The following OSCAR variants were observed in gnomAD, a reference collection of about 807,000 sequenced individuals.
OSCAR encodes osteoclast-associated immunoglobulin-like receptor.
OSCAR carries 25 observed loss-of-function variants against 27.3 expected under a neutral mutation model. That is an observed-to-expected ratio of 0.92 (90% confidence interval 0.67 to 1.28). The LOEUF (loss-of-function observed/expected upper bound fraction) is 1.28. Ranked by LOEUF, OSCAR falls within the 50% of genes most tolerant of loss-of-function variation. The pLI, the probability that OSCAR is intolerant of heterozygous loss-of-function variation, is 0.00. For synonymous variants in OSCAR, 158 were observed against 165.7 expected (o/e 0.95, Z 0.36); for missense variants, 354 against 355.1 (o/e 1.00, Z 0.03).
intron 2 of OSCAR, among the ~76,000 whole-genome samples, chr19:54,097,840 A>G (rs949291996): frequency 2.0e-5 from 3 of 151,664 alleles, no homozygotes; most frequent in South Asian, 2.1e-4. Flanking sequence ...GGCTCAAGCA[A>G]TCCTCCCACC....
intron 1 of OSCAR, 33 bp from the exon 2 acceptor site, chr19:54,099,813 CTTTT>C (rs68058053): frequency 1.3e-5 from 18 of 1,426,676 alleles, no homozygotes; most frequent in South Asian, 2.5e-5. Context: ...TTTCTTTTTC[CTTTT>C]TTTTTTTTTG....
intron 1 of OSCAR, 142 bp from the exon 2 acceptor site, chr19:54,099,922 C>T: frequency 1.0e-6 from 1 of 956,534 alleles, no homozygotes; most frequent in Non-Finnish European, 1.5e-6. Context: ...AAGTGATTCT[C>T]CTGCCTCAGC....
Position 54,099,795 on chromosome 19 carries a change from G to A in OSCAR, c.38-15C>T. 6.2e-7 allele frequency: 1 copy of A among 1,600,358 alleles called. No individual in the cohort carries two copies. The highest frequency in any genetic ancestry group is 8.5e-7 in the Non-Finnish European group (1 of 1,175,984). On this transcript the variant is annotated splice_polypyrimidine_tract_variant and intron_variant, in intron 1 of 4. Coordinates refer to ENST00000358375, the MANE Select transcript of OSCAR (RefSeq NM_133169.6). ...ACACAGAGGCCCTGTAGGAGGTTGA[G>A]GGACTAGTTTCTTTTTCCTTTTTTT...
At position 54,095,853 on chromosome 19, in the gene OSCAR, C is replaced by CG; in HGVS notation, c.655+18dup. Reference sequence around the variant, plus strand: ...CATTCCTGGGGCGGAGGAGGCGGGCCGGGCCTCAGGGCCCTCACCTTCCCA... The same window carrying CG: ...CATTCCTGGGGCGGAGGAGGCGGGCCGGGGCCTCAGGGCCCTCACCTTCCCA... On this transcript the variant is annotated intron_variant, in intron 4 of 4. Transcript: ENST00000358375. 1 of 1,552,204 alleles carries CG rather than the reference C, an allele frequency of 6.4e-7. No homozygotes were observed. Among genetic ancestry groups the CG allele is most frequent in the South Asian group, 1.2e-5 (1 of 84,128 alleles).
At chr19:54,099,244 T>TTTTGTTTTTG (rs1555783354) in intron 2 of OSCAR, among the ~76,000 whole-genome samples, 16 of 133,196 alleles carry the variant, frequency 1.2e-4, no homozygotes, top group Admixed American at 5.0e-4. Flanking sequence ...TTTTTTTTTT[T>TTTTGTTTTTG]TTTTTTTTTA....
rs2072947750 is a variant in OSCAR, at chr19:54,099,764, T to TG, written c.53dup (p.Asp19ArgfsTer14). 1 of 1,613,292 alleles carries TG rather than the reference T, an allele frequency of 6.2e-7. No homozygotes were observed. The highest frequency in any genetic ancestry group is 1.3e-5 in the African/African-American group (1 of 74,826). On this transcript the variant is annotated frameshift_variant, in exon 2 of 5. Transcript: ENST00000358375. LOFTEE classifies it high-confidence loss of function. Reference sequence around the variant, plus strand: ...GCTACTCACCAGACGGAGTGATGTCTGTGTGACACAGAGGCCCTGTAGGAG... The same window carrying TG: ...GCTACTCACCAGACGGAGTGATGTCTGGTGTGACACAGAGGCCCTGTAGGAG...
chr19:54,100,694 T>C (rs1426553719), intron 1 of OSCAR, 62 bp downstream of exon 1: 13 of 1,508,092 alleles, frequency 8.6e-6, no homozygotes, highest in South Asian at 2.4e-5. Context: ...TGGGTCTCCA[T>C]TGCCTCTCTC....
intron 1 of OSCAR, 140 bp downstream of exon 1, chr19:54,100,616 G>A (rs2072997647): frequency 1.1e-6 from 1 of 881,724 alleles, no homozygotes; most frequent in Non-Finnish European, 1.7e-6. Flanking sequence ...AGGGGTCTGG[G>A]CCCCAGCCCT....
intron 4 of OSCAR, 174 bp from the exon 5 acceptor site, chr19:54,095,531 G>T: frequency 7.3e-7 from 1 of 1,376,722 alleles, no homozygotes; most frequent in Non-Finnish European, 9.5e-7. Context: ...AGGGGCTGGG[G>T]CCTGGACTGC....
At chr19:54,096,556 C>CCCTCTCTCTCTGCCTG (rs2072730102) in intron 3 of OSCAR, among the ~76,000 whole-genome samples, 1,049 of 66,878 alleles carry the variant, frequency 0.016, 29 homozygotes, top group African/African-American at 0.028. Context: ...CTCTCTGCCT[C>CCCTCTCTCTCTGCCTG]CCTCTCTCTC....
chr19:54,096,061 TC>T lies in OSCAR; in HGVS notation c.465del (p.Asn156ThrfsTer2). 6.5e-7 allele frequency: 1 copy of T among 1,544,602 alleles called. No individual in the cohort carries two copies. Among genetic ancestry groups the T allele is most frequent in the Non-Finnish European group, 8.7e-7 (1 of 1,150,132 alleles). On this transcript the variant is annotated frameshift_variant, in exon 4 of 5. Coordinates refer to ENST00000358375, the MANE Select transcript of OSCAR (RefSeq NM_133169.6). LOFTEE classifies it high-confidence loss of function. ...NVSLRCAGRL[R>X]NMSFVLYREG... The stretch of plus-strand genomic sequence containing the variant: ...TCGCGGTACAGCACGAAGCTCATGT[TC>T]CGCAGGCGGCCCGCGCAGCGCAGGC...
chr19:54,100,743 A>G lies in OSCAR; in HGVS notation c.37+13T>C. 3.2e-6 allele frequency: 5 copies of G among 1,551,656 alleles called. No individual in the cohort carries two copies. The highest frequency in any genetic ancestry group is 4.4e-6 in the Non-Finnish European group (5 of 1,146,926). ...CCAGCCAGGAACCCAGGGAGAAGAA[A>G]GGGGTGACTCACAGAGGGTCAGCAG... On this transcript the variant is annotated intron_variant, in intron 1 of 4. Coordinates refer to ENST00000358375, the MANE Select transcript of OSCAR (RefSeq NM_133169.6).
intron 3 of OSCAR, 50 bp from the exon 4 acceptor site, chr19:54,096,203 C>T (rs1227919663): frequency 1.7e-5 from 24 of 1,416,452 alleles, no homozygotes; most frequent in Non-Finnish European, 2.0e-5. Flanking sequence ...CTTCCGCTCG[C>T]TCGCTCGCTC....
chr19:54,095,362 G>A lies in OSCAR; in HGVS notation c.656-5C>T, dbSNP rs2072584285. The A allele has an allele frequency of 3.9e-6, 6 of 1,553,418 alleles. No individual in the cohort carries two copies. Among genetic ancestry groups the A allele is most frequent in the Middle Eastern group, 2.2e-4 (1 of 4,468 alleles). On this transcript the variant is annotated splice_region_variant and splice_polypyrimidine_tract_variant and intron_variant, in intron 4 of 4. Coordinates refer to ENST00000358375, the MANE Select transcript of OSCAR (RefSeq NM_133169.6). The stretch of plus-strand genomic sequence containing the variant: ...TGTAGTCGGAGGAGCCAGAGTCTGC[G>A]GGCGGAGCCGGGAGAGAGGGGCCAT...
rs1369266172 is a variant in OSCAR, at chr19:54,096,018, A to C, written c.509T>G (p.Leu170Arg). 13 of 1,570,392 alleles carry C rather than the reference A, an allele frequency of 8.3e-6. No individual in the cohort carries two copies. Among genetic ancestry groups the C allele is most frequent in the Non-Finnish European group, 1.0e-5 (12 of 1,160,258 alleles). ...VLYREGVAAP[L>R]QYRHSAQPWA... is the part of the protein sequence containing the mutation. The stretch of plus-strand genomic sequence containing the variant: ...GGGCTGCGCGGAGTGGCGGTACTGC[A>C]GCGGGGCCGCCACGCCCTCGCGGTA... Residue 170 changes from leucine to arginine, a missense_variant, in exon 4 of 5, where the codon CTG (leucine) becomes CGG (arginine). Coordinates refer to ENST00000358375, the MANE Select transcript of OSCAR (RefSeq NM_133169.6).
chr19:54,100,703 T>A, intron 1 of OSCAR, 53 bp downstream of exon 1: 2 of 1,531,514 alleles, frequency 1.3e-6, no homozygotes, highest in Admixed American at 4.0e-5. Flanking sequence ...ATTGCCTCTC[T>A]CTCTGCCCCC....
intron 4 of OSCAR, 189 bp downstream of exon 4, chr19:54,095,683 C>G: frequency 9.3e-7 from 1 of 1,076,620 alleles, no homozygotes; most frequent in Non-Finnish European, 1.3e-6. Flanking sequence ...GAGGACTAGA[C>G]TCCTGGATCT....
Position 54,100,781 on chromosome 19 carries a change from C to A in OSCAR, c.12G>T (p.Val4=). ...AGAGGGTCAGCAGCTGGAGGATCAG[C>A]ACCAGGGCCATGGTGGGCAGATACC... MAL[V]LILQLLTLWP... is the part of the protein sequence containing the mutation. The change falls in exon 1 of 5, where the codon GTG becomes GTT. Residue 4 remains valine (V), a synonymous_variant. Coordinates refer to ENST00000358375, the MANE Select transcript of OSCAR (RefSeq NM_133169.6). 1.9e-6 allele frequency: 3 copies of A among 1,552,230 alleles called. No homozygotes were observed. Among genetic ancestry groups the A allele is most frequent in the Non-Finnish European group, 2.6e-6 (3 of 1,147,210 alleles).
Position 54,095,343 on chromosome 19 carries a change from C to A in OSCAR, c.670G>T (p.Asp224Tyr), listed in dbSNP as rs764380820. The A allele has an allele frequency of 6.4e-7, 1 of 1,565,658 alleles. No individual in the cohort carries two copies. The change falls in exon 5 of 5, where the codon GAC (aspartate) becomes TAC (tyrosine). Residue 224 changes from aspartate to tyrosine, a missense_variant. Coordinates refer to ENST00000358375, the MANE Select transcript of OSCAR (RefSeq NM_133169.6). ...CGGACTAGGTTCCCCCGGGTGTAGT[C>A]GGAGGAGCCAGAGTCTGCGGGCGGA... Reference protein sequence around the residue: ...VISWEDSGSSDYTRGNLVRLG... With the variant: ...VISWEDSGSSYYTRGNLVRLG...
Sources: gnomAD v4.1 joint callset for allele counts (sites outside exome capture counted in the v4.1 genomes callset) on GRCh38, gnomAD v4.1.1 for gene constraint, MANE v1.5 for transcripts, NCBI Gene and HGNC (gene_info 2026-07-23, HGNC 2026-07-21) for gene names.